Variants in QTMAN observed in about 807,000 individuals in gnomAD.
The protein encoded by QTMAN is tRNA-queuosine alpha-mannosyltransferase.
chr2:144,034,868 T>A, the QTMAN span, among the ~76,000 whole-genome samples: 2 of 152,198 alleles, frequency 1.3e-5, no homozygotes, highest in Non-Finnish European at 2.9e-5. Flanking sequence ...CCAAAACACA[T>A]TAAATTTTCT....
the QTMAN span, among the ~76,000 whole-genome samples, chr2:144,252,348 C>T: frequency 1.3e-5 from 2 of 152,022 alleles, no homozygotes; most frequent in Non-Finnish European, 2.9e-5. Context: ...GCACTCAGTC[C>T]AGCCTGGGTG....
the QTMAN span, among the ~76,000 whole-genome samples, chr2:144,225,544 C>T: frequency 6.6e-6 from 1 of 152,180 alleles, no homozygotes; most frequent in Non-Finnish European, 1.5e-5. Context: ...CTCCCACAGA[C>T]ACACTATTAC....
the QTMAN span, chr2:144,211,620 G>T: frequency 3.9e-5 from 6 of 152,558 alleles, no homozygotes; most frequent in Admixed American, 2.6e-4. Context: ...AGTAAATGGG[G>T]AGAAGCTGGT....
chr2:144,023,842 TA>T, the QTMAN span, among the ~76,000 whole-genome samples: 5 of 151,448 alleles, frequency 3.3e-5, no homozygotes, highest in African/African-American at 9.7e-5. Context: ...TCATAGAAAA[TA>T]AAAAAAAATT....
At chr2:144,297,531 G>A in the QTMAN span, among the ~76,000 whole-genome samples, 2 of 150,476 alleles carry the variant, frequency 1.3e-5, no homozygotes, top group African/African-American at 4.9e-5. Flanking sequence ...GGCTGGGCGT[G>A]GTGTCTCATG....
the QTMAN span, among the ~76,000 whole-genome samples, chr2:144,258,895 G>A: frequency 6.6e-6 from 1 of 152,130 alleles, no homozygotes; most frequent in Non-Finnish European, 1.5e-5. Flanking sequence ...TCATGACAGG[G>A]TATGAATAAT....
the QTMAN span, among the ~76,000 whole-genome samples, chr2:144,142,889 A>G: frequency 1.3e-5 from 2 of 151,986 alleles, no homozygotes; most frequent in South Asian, 4.1e-4. Flanking sequence ...AAATTTCACA[A>G]TGGTGAAAAT....
At chr2:144,093,015 G>C in the QTMAN span, among the ~76,000 whole-genome samples, 1 of 151,770 alleles carries the variant, frequency 6.6e-6, no homozygotes, top group East Asian at 1.9e-4. Context: ...ATTTGGGACA[G>C]CAAGGAAAAA....
At chr2:144,006,449 G>T in the QTMAN span, 1 of 152,086 alleles carries the variant, frequency 6.6e-6, no homozygotes, top group East Asian at 1.9e-4. Flanking sequence ...TGTGGGGGAA[G>T]TGTACTCTAA....
At chr2:144,187,120 T>C in the QTMAN span, among the ~76,000 whole-genome samples, 1 of 152,222 alleles carries the variant, frequency 6.6e-6, no homozygotes, top group Non-Finnish European at 1.5e-5. Flanking sequence ...TACGTGATTA[T>C]TGTCAAGTCA....
the QTMAN span, among the ~76,000 whole-genome samples, chr2:144,101,215 G>A: frequency 0.26 from 39,341 of 151,878 alleles, 6,190 homozygotes; most frequent in East Asian, 0.39. Flanking sequence ...TTTGCAACAG[G>A]GGAGTTCAAG....
chr2:144,006,774 A>G, the QTMAN span: 1 of 157,728 alleles, frequency 6.3e-6, no homozygotes, highest in Non-Finnish European at 1.4e-5. Flanking sequence ...TGGTCAAGGT[A>G]GTAAATAATG....
the QTMAN span, among the ~76,000 whole-genome samples, chr2:144,103,490 A>C: frequency 6.6e-6 from 1 of 152,218 alleles, no homozygotes; most frequent in Non-Finnish European, 1.5e-5. Context: ...TGTATCACAG[A>C]CCAACTCTAT....
the QTMAN span, among the ~76,000 whole-genome samples, chr2:144,129,557 C>A: frequency 6.6e-6 from 1 of 151,928 alleles, no homozygotes; most frequent in African/African-American, 2.4e-5. Context: ...CAGTTTGGAA[C>A]AACAGGCAAG....
the QTMAN span, among the ~76,000 whole-genome samples, chr2:143,969,108 T>C: frequency 0.049 from 7,415 of 152,332 alleles, 227 homozygotes; most frequent in Middle Eastern, 0.11. Context: ...TTCTGTTTAA[T>C]GACCTCACAG....
At chr2:144,207,576 T>C in the QTMAN span, among the ~76,000 whole-genome samples, 1 of 152,176 alleles carries the variant, frequency 6.6e-6, no homozygotes, top group African/African-American at 2.4e-5. Flanking sequence ...ACACACAGGC[T>C]TATCCCATTA....
the QTMAN span, among the ~76,000 whole-genome samples, chr2:144,103,590 T>C: frequency 6.6e-6 from 1 of 152,300 alleles, no homozygotes; most frequent in African/African-American, 2.4e-5. Context: ...TTCCCTTAGT[T>C]GTAAGGACAT....
the QTMAN span, among the ~76,000 whole-genome samples, chr2:144,176,640 G>A: frequency 6.6e-6 from 1 of 152,272 alleles, no homozygotes; most frequent in East Asian, 1.9e-4. Context: ...TAGGCTGATA[G>A]TGCACACAAT....
the QTMAN span, among the ~76,000 whole-genome samples, chr2:144,128,951 T>C: frequency 5.6e-4 from 85 of 151,696 alleles, 1 homozygote; most frequent in East Asian, 0.015. Context: ...GTCTTCTCCT[T>C]GTCTTTTGTT....
Sources: allele counts gnomAD v4.1 joint callset (sites outside exome capture counted in the v4.1 genomes callset), GRCh38; gene constraint gnomAD v4.1.1; transcripts MANE v1.5; gene names NCBI Gene and HGNC (gene_info 2026-07-23, HGNC 2026-07-21).